B3GALT1: variants seen among roughly 807,000 people sequenced by gnomAD.
B3GALT1 encodes the protein UDP-Gal:betaGlcNAc beta 1,3-galactosyltransferase, polypeptide 1.
B3GALT1 carries 10 observed loss-of-function variants against 23.2 expected under a neutral mutation model. The observed-to-expected ratio is 0.43, with a 90% CI of 0.27 to 0.73. The LOEUF (loss-of-function observed/expected upper bound fraction) is 0.73. B3GALT1 is among the 30% of genes least tolerant of loss of function. B3GALT1 has a pLI of 0.21. For synonymous variants in B3GALT1, 156 were observed against 141.5 expected, an observed-to-expected ratio of 1.10 and a Z score of -0.73; for missense variants, 299 against 405.4, an observed-to-expected ratio of 0.74 and a Z score of 2.25.
intron 3 of B3GALT1, among the ~76,000 whole-genome samples, chr2:167,648,909 A>T (rs908093187): frequency 1.3e-5 from 2 of 152,052 alleles, no homozygotes; most frequent in African/African-American, 4.8e-5. Flanking sequence ...TCCATGCCTG[A>T]GTCAGACTCA....
intron 2 of B3GALT1, among the ~76,000 whole-genome samples, chr2:167,589,163 C>T (rs1316313229): frequency 6.6e-6 from 1 of 152,128 alleles, no homozygotes; most frequent in Non-Finnish European, 1.5e-5. Flanking sequence ...CCAGGTTGGT[C>T]TCAAACTCCT....
At chr2:167,404,909 A>C (rs958615202) in intron 1 of B3GALT1, among the ~76,000 whole-genome samples, 1 of 152,176 alleles carries the variant, frequency 6.6e-6, no homozygotes, top group African/African-American at 2.4e-5. Flanking sequence ...GGCAGCTTTC[A>C]AACCATGTGT....
chr2:167,849,906 A>AG (rs1293929643), intron 4 of B3GALT1, among the ~76,000 whole-genome samples: 1 of 151,852 alleles, frequency 6.6e-6, no homozygotes, highest in Non-Finnish European at 1.5e-5. Flanking sequence ...AAAAAAAAAA[A>AG]AGGACTTAAA....
intron 2 of B3GALT1, among the ~76,000 whole-genome samples, chr2:167,625,987 G>A (rs1012193999): frequency 4.8e-4 from 50 of 104,944 alleles, no homozygotes; most frequent in African/African-American, 2.0e-3. Flanking sequence ...ATATATATAT[G>A]ACCTAAGCCA....
chr2:167,701,601 C>A (rs1456107784), intron 3 of B3GALT1, among the ~76,000 whole-genome samples: 1 of 152,032 alleles, frequency 6.6e-6, no homozygotes, highest in Non-Finnish European at 1.5e-5. Context: ...GTTAAATTGA[C>A]AAAAGTTTTA....
intron 2 of B3GALT1, among the ~76,000 whole-genome samples, chr2:167,603,248 A>G (rs142320450): frequency 6.6e-6 from 1 of 152,242 alleles, no homozygotes; most frequent in East Asian, 1.9e-4. Context: ...ACAACTTTAT[A>G]TATCTCAAAA....
chr2:167,314,504 T>C (rs1696681725), intron 1 of B3GALT1, among the ~76,000 whole-genome samples: 1 of 152,226 alleles, frequency 6.6e-6, no homozygotes, highest in African/African-American at 2.4e-5. Flanking sequence ...ATTCATGGTT[T>C]TACCAAATTA....
chr2:167,715,140 G>A, intron 3 of B3GALT1: 1 of 1,613,876 alleles, frequency 6.2e-7, no homozygotes, highest in Non-Finnish European at 8.5e-7. Context: ...GCTCCTTTGG[G>A]AGGATCATCT....
intron 3 of B3GALT1, among the ~76,000 whole-genome samples, chr2:167,773,343 T>C (rs1457800667): frequency 6.6e-6 from 1 of 152,178 alleles, no homozygotes; most frequent in East Asian, 1.9e-4. Context: ...TTTACCCTAA[T>C]TTACTATGCA....
intron 4 of B3GALT1, among the ~76,000 whole-genome samples, chr2:167,855,640 A>T (rs1388543396): frequency 6.6e-6 from 1 of 152,196 alleles, no homozygotes; most frequent in Non-Finnish European, 1.5e-5. Flanking sequence ...ATGGTTACCT[A>T]TTGAGGGTAC....
chr2:167,602,999 C>T (rs148749844), intron 2 of B3GALT1, among the ~76,000 whole-genome samples: 1 of 152,150 alleles, frequency 6.6e-6, no homozygotes, highest in African/African-American at 2.4e-5. Flanking sequence ...TCAATAATGG[C>T]AGGATCAAAT....
intron 1 of B3GALT1, among the ~76,000 whole-genome samples, chr2:167,405,723 A>G (rs1664191294): frequency 6.6e-6 from 1 of 152,152 alleles, no homozygotes; most frequent in South Asian, 2.1e-4. Context: ...TTTTAAATAT[A>G]GTACATGGTT....
intron 3 of B3GALT1, among the ~76,000 whole-genome samples, chr2:167,773,115 A>C (rs988307557): frequency 6.6e-6 from 1 of 152,190 alleles, no homozygotes; most frequent in Non-Finnish European, 1.5e-5. Context: ...TAATTCAATA[A>C]GTGTTTTTAG....
chr2:167,504,372 T>G (rs1012083517), intron 2 of B3GALT1, among the ~76,000 whole-genome samples: 3 of 152,162 alleles, frequency 2.0e-5, no homozygotes, highest in Non-Finnish European at 4.4e-5. Context: ...TGCAATTATA[T>G]GTCACCCATG....
intron 1 of B3GALT1, among the ~76,000 whole-genome samples, chr2:167,488,625 G>C (rs1267768980): frequency 6.6e-6 from 1 of 152,184 alleles, no homozygotes; most frequent in Non-Finnish European, 1.5e-5. Context: ...TTACAATAAA[G>C]TATACAGATT....
At chr2:167,581,159 C>G (rs1684477407) in intron 2 of B3GALT1, among the ~76,000 whole-genome samples, 1 of 152,056 alleles carries the variant, frequency 6.6e-6, no homozygotes, top group Non-Finnish European at 1.5e-5. Flanking sequence ...AAGGATCATC[C>G]ATTATCAATT....
At chr2:167,380,766 G>C (rs1559080373) in intron 1 of B3GALT1, among the ~76,000 whole-genome samples, 1 of 152,094 alleles carries the variant, frequency 6.6e-6, no homozygotes, top group Admixed American at 6.5e-5. Flanking sequence ...CGGTCCTTGG[G>C]GAAAGATGAG....
intron 3 of B3GALT1, among the ~76,000 whole-genome samples, chr2:167,666,514 T>C (rs1259393189): frequency 6.6e-6 from 1 of 151,536 alleles, no homozygotes; most frequent in Non-Finnish European, 1.5e-5. Flanking sequence ...TTGTTGACTT[T>C]CTGTCTTGTT....
At chr2:167,677,780 A>G (rs1231096066) in intron 3 of B3GALT1, among the ~76,000 whole-genome samples, 2 of 152,196 alleles carry the variant, frequency 1.3e-5, no homozygotes, top group Non-Finnish European at 2.9e-5. Context: ...AAGAGGTTTA[A>G]TTGATTCACA....
Sources: gnomAD v4.1 joint callset for allele counts (sites outside exome capture counted in the v4.1 genomes callset) on GRCh38, gnomAD v4.1.1 for gene constraint, MANE v1.5 for transcripts, NCBI Gene and HGNC (gene_info 2026-07-23, HGNC 2026-07-21) for gene names.